Variants in NCOR2 observed in about 807,000 individuals in gnomAD.
NCOR2 encodes CTG repeat protein 26.
Under a neutral mutation model 262.9 loss-of-function variants are expected in NCOR2, and 81 were observed. The observed-to-expected ratio is 0.31, with a 90% CI of 0.26 to 0.37. The LOEUF (loss-of-function observed/expected upper bound fraction) is 0.37, where lower values mean the gene tolerates loss of function less well. Among genes scored for constraint, NCOR2 ranks in the 10% least tolerant of loss-of-function variants. The pLI, the probability that NCOR2 is intolerant of heterozygous loss-of-function variation, is 1.00. For synonymous variants in NCOR2, 1,659 were observed against 1,559.3 expected (o/e 1.06, Z -1.51); for missense variants, 3,385 against 3,621.4 (o/e 0.93, Z 1.68).
intron 13 of NCOR2, among the ~76,000 whole-genome samples, chr12:124,412,757 G>T (rs371811797): frequency 6.6e-6 from 1 of 152,268 alleles, no homozygotes; most frequent in Admixed American, 6.5e-5. Context: ...ACGCCTGGGA[G>T]CTCCTTGGAA....
At chr12:124,470,135 C>T (rs963598206) in intron 4 of NCOR2, among the ~76,000 whole-genome samples, 1 of 148,928 alleles carries the variant, frequency 6.7e-6, no homozygotes, top group Non-Finnish European at 1.5e-5. Flanking sequence ...CACTGCACTC[C>T]AGCCTGGGCA....
At chr12:124,550,513 G>A (rs574726668) in intron 1 of NCOR2, among the ~76,000 whole-genome samples, 4 of 152,016 alleles carry the variant, frequency 2.6e-5, no homozygotes, top group East Asian at 1.9e-4. Flanking sequence ...GATGGTGAAC[G>A]GGGGGGAGGA....
rs2047554512 is a variant in NCOR2 at position 124,482,577 on chromosome 12, G to A, written c.411+1019C>T. On this transcript the variant is annotated intron_variant, in intron 3 of 46. Coordinates refer to ENST00000405201, the Ensembl canonical transcript of NCOR2. The surrounding 1 kb of genome is among the most constrained non-coding windows in gnomAD (Gnocchi z 6.3). ...TGACCAGGTGACACCCTGCCCACAA[G>A]GTCCCAGATCAGTGAGGAAGAAATG... Among the ~76,000 whole-genome samples, 1 of 152,220 alleles carries A rather than the reference G, an allele frequency of 6.6e-6. No individual in the cohort carries two copies. The highest frequency in any genetic ancestry group is 1.5e-5 in the Non-Finnish European group (1 of 68,036).
At chr12:124,415,509 T>TG (rs2042810972) in intron 13 of NCOR2, among the ~76,000 whole-genome samples, 1 of 152,216 alleles carries the variant, frequency 6.6e-6, no homozygotes, top group South Asian at 2.1e-4. Flanking sequence ...GAACCAGGCC[T>TG]GTGGGGGGTG....
chr12:124,355,678 G>A, intron 23 of NCOR2, 107 bp from the exon 26 acceptor site: 1 of 1,409,780 alleles, frequency 7.1e-7, no homozygotes, highest in Non-Finnish European at 9.3e-7. Context: ...GCCAGGAAGT[G>A]CCCATCCATG....
At chr12:124,550,137 A>G (rs837485) in intron 1 of NCOR2, among the ~76,000 whole-genome samples, 33,425 of 148,528 alleles carry the variant, frequency 0.23, 3,941 homozygotes, top group East Asian at 0.35. Flanking sequence ...TGTTGCCCAG[A>G]GCAGCCCCTG....
exon 32 of NCOR2, chr12:124,344,918 T>G (rs1593143987): frequency 6.4e-7 from 1 of 1,569,066 alleles, no homozygotes; most frequent in Non-Finnish European, 8.6e-7. Flanking sequence ...GAGCCAGTGG[T>G]GGACGCGCCG....
upstream of NCOR2, among the ~76,000 whole-genome samples, chr12:124,498,559 C>T (rs1214157797): frequency 6.6e-6 from 1 of 152,144 alleles, no homozygotes; most frequent in African/African-American, 2.4e-5. Flanking sequence ...CGACCTGAGC[C>T]ACGTTTCCTG....
At chr12:124,379,467 T>C (rs1416542204) in intron 17 of NCOR2, among the ~76,000 whole-genome samples, 1 of 152,114 alleles carries the variant, frequency 6.6e-6, no homozygotes, top group East Asian at 1.9e-4. Flanking sequence ...CTTGAACGCA[T>C]AGACAGCAGA....
intron 5 of NCOR2, among the ~76,000 whole-genome samples, chr12:124,464,338 C>T (rs774392817): frequency 7.9e-5 from 12 of 152,128 alleles, no homozygotes; most frequent in African/African-American, 2.7e-4. Context: ...TGGAGAGAAC[C>T]GTGTCTGCTC....
intron 41 of NCOR2, 64 bp from the exon 44 acceptor site, chr12:124,333,343 T>C: frequency 7.2e-7 from 1 of 1,387,486 alleles, no homozygotes; most frequent in Non-Finnish European, 9.4e-7. Context: ...GCACCCTCCC[T>C]CCACTCTAAA....
rs540234380 is a variant in NCOR2 at position 124,367,235 on chromosome 12, G to A, written c.2808-3436C>T. Reference sequence around the variant, plus strand: ...ATTGGCAGGGGGTGAGCGGGGGCAGGGGCTGCTGCCCAGAAGCTCTCAGCA... The same window carrying A: ...ATTGGCAGGGGGTGAGCGGGGGCAGAGGCTGCTGCCCAGAAGCTCTCAGCA... On this transcript the variant is annotated intron_variant, in intron 20 of 46. Coordinates refer to ENST00000405201, the Ensembl canonical transcript of NCOR2. Among the ~76,000 whole-genome samples the A allele has an allele frequency of 2.6e-5, 4 of 152,248 alleles. No individual in the cohort carries two copies. In the East Asian group the frequency reaches 5.8e-4, roughly 22 times the overall value.
chr12:124,448,324 G>A lies in NCOR2; in HGVS notation c.815+1491C>T, dbSNP rs147730014. 3.1e-3 allele frequency among the ~76,000 whole-genome samples: 479 copies of A among 152,320 alleles called. 4 individuals carry two copies. The highest frequency in any genetic ancestry group is 0.01 in the African/African-American group (421 of 41,572). ...AGAGCAAGGCAGGTCCCAGGAAGCTGCAGAAGGGACAGGGGTAGCCCAATT... is the reference window on the plus strand; with the variant it reads ...AGAGCAAGGCAGGTCCCAGGAAGCTACAGAAGGGACAGGGGTAGCCCAATT... On this transcript the variant is annotated intron_variant, in intron 7 of 46. Transcript: ENST00000405201.
At chr12:124,340,073 C>T in exon 37 of NCOR2, 1 of 1,613,024 alleles carries the variant, frequency 6.2e-7, no homozygotes, top group Non-Finnish European at 8.5e-7. Context: ...TTGTGAAGCA[C>T]ACTGGGTCTC....
intron 10 of NCOR2, among the ~76,000 whole-genome samples, chr12:124,429,139 G>T (rs1038562582): frequency 6.6e-6 from 1 of 152,254 alleles, no homozygotes; most frequent in African/African-American, 2.4e-5. Context: ...TGGCTGCGTG[G>T]ACAGCTGGCG....
intron 41 of NCOR2, among the ~76,000 whole-genome samples, chr12:124,333,854 GCA>G (rs2035507266): frequency 2.7e-5 from 2 of 74,584 alleles, no homozygotes; most frequent in African/African-American, 5.3e-5. Context: ...GTGCGGGTGT[GCA>G]TGTGTGTGTG....
At chr12:124,545,399 C>A (rs763698836) in intron 1 of NCOR2, among the ~76,000 whole-genome samples, 1 of 152,218 alleles carries the variant, frequency 6.6e-6, no homozygotes, top group African/African-American at 2.4e-5. Flanking sequence ...CAGGGCTCTG[C>A]AGGAGCCTCT....
intron 8 of NCOR2, among the ~76,000 whole-genome samples, chr12:124,435,942 C>T (rs530112863): frequency 6.0e-4 from 91 of 152,344 alleles, no homozygotes; most frequent in African/African-American, 2.1e-3. Context: ...GCGCCCACCT[C>T]GCAGGACTAA....
In NCOR2 at chr12:124,517,595, G is replaced by T. The variant is rs965438514; in HGVS notation, c.-118+17970C>A. Among the ~76,000 whole-genome samples the T allele has an allele frequency of 6.6e-6, 1 of 152,158 alleles. No homozygotes were observed. Among genetic ancestry groups the T allele is most frequent in the Non-Finnish European group, 1.5e-5 (1 of 68,020 alleles). On this transcript the variant is annotated intron_variant, in intron 1 of 46. Coordinates refer to the NCOR2 transcript ENST00000404621. This position sits in a 1 kb window ranked among gnomAD's most constrained non-coding sequence, Gnocchi z 7.6. ...GCCTGAGCCCACCGCGGAGCCCCAG[G>T]GCAGAGCCTCGGGAGCGCCCACGAT...
Sources: allele counts gnomAD v4.1 joint callset (sites outside exome capture counted in the v4.1 genomes callset), GRCh38; gene constraint gnomAD v4.1.1; non-coding constraint Gnocchi (gnomAD v3.1); transcripts MANE v1.5; gene names NCBI Gene and HGNC (gene_info 2026-07-23, HGNC 2026-07-21).